The following SGCZ variants were observed in gnomAD, a reference collection of about 807,000 sequenced individuals.
The protein encoded by SGCZ is sarcoglycan zeta.
Under a neutral mutation model 41.3 loss-of-function variants are expected in SGCZ, and 40 were observed. That is an observed-to-expected ratio of 0.97 (90% CI 0.75 to 1.26). SGCZ has a LOEUF of 1.26. Ranked by LOEUF, SGCZ falls within the 50% of genes most tolerant of loss-of-function variation. The pLI, the probability that SGCZ is intolerant of heterozygous loss-of-function variation, is 0.00. For synonymous variants in SGCZ, 206 were observed against 137.5 expected (o/e 1.50, Z -3.49); for missense variants, 552 against 369.8 (o/e 1.49, Z -4.04).
chr8:14,442,915 C>T lies in SGCZ; in HGVS notation c.234+111817G>A, dbSNP rs374921529. Reference sequence around the variant, plus strand: ...TGATTGTATATCTAGAAAACCCCATCGTCTCAGCCCAAAATCTCCTTAAGC... The same window carrying T: ...TGATTGTATATCTAGAAAACCCCATTGTCTCAGCCCAAAATCTCCTTAAGC... On this transcript the variant is annotated intron_variant, in intron 2 of 7. Coordinates refer to ENST00000382080, the MANE Select transcript of SGCZ (RefSeq NM_139167.4). 7.6e-4 allele frequency among the ~76,000 whole-genome samples: 115 copies of T among 152,154 alleles called. 1 individual carries two copies. The highest frequency in any genetic ancestry group is 6.8e-3 in the Middle Eastern group (2 of 294).
At chr8:14,685,852 T>A (rs944179176) in intron 1 of SGCZ, among the ~76,000 whole-genome samples, 1 of 152,116 alleles carries the variant, frequency 6.6e-6, no homozygotes, top group African/African-American at 2.4e-5. Flanking sequence ...AAACAATGAA[T>A]AAACCTTTCA....
chr8:14,730,560 C>A (rs369485242), intron 1 of SGCZ, among the ~76,000 whole-genome samples: 3 of 148,684 alleles, frequency 2.0e-5, no homozygotes, highest in African/African-American at 7.6e-5. Context: ...AACATACAAC[C>A]CTAAAAGAAT....
At chr8:14,989,005 A>C (rs542790420) in intron 1 of SGCZ, among the ~76,000 whole-genome samples, 2 of 151,716 alleles carry the variant, frequency 1.3e-5, no homozygotes, top group African/African-American at 4.8e-5. Context: ...CTTAAAAATG[A>C]AAAGCTATTT....
intron 1 of SGCZ, among the ~76,000 whole-genome samples, chr8:14,894,642 C>A (rs1385001401): frequency 1.3e-5 from 2 of 152,082 alleles, no homozygotes; most frequent in Non-Finnish European, 2.9e-5. Flanking sequence ...ACTGGGCAAT[C>A]TTTTAAATTT....
chr8:14,562,900 G>C (rs954184342), intron 1 of SGCZ, among the ~76,000 whole-genome samples: 1 of 152,182 alleles, frequency 6.6e-6, no homozygotes, highest in Non-Finnish European at 1.5e-5. Context: ...TCTTAGAGAT[G>C]TGGTAGCAGA....
chr8:14,807,074 A>G (rs182990101), intron 1 of SGCZ, among the ~76,000 whole-genome samples: 18,953 of 151,842 alleles, frequency 0.12, 1,773 homozygotes, highest in African/African-American at 0.25. Context: ...TTGATGGGAC[A>G]TATTTCAAAA....
chr8:14,530,715 G>T (rs1803101582), intron 2 of SGCZ, among the ~76,000 whole-genome samples: 1 of 152,066 alleles, frequency 6.6e-6, no homozygotes, highest in Non-Finnish European at 1.5e-5. Flanking sequence ...TGGCACAGTA[G>T]TGCTTGCTTA....
At chr8:14,748,691 A>G (rs1298647037) in intron 1 of SGCZ, among the ~76,000 whole-genome samples, 2 of 152,170 alleles carry the variant, frequency 1.3e-5, no homozygotes, top group African/African-American at 4.8e-5. Flanking sequence ...GGAATCATCT[A>G]TGAATAAGAA....
At chr8:14,191,192 A>AT (rs906336159) in intron 4 of SGCZ, among the ~76,000 whole-genome samples, 23 of 151,122 alleles carry the variant, frequency 1.5e-4, no homozygotes, top group Non-Finnish European at 2.2e-4. Flanking sequence ...TGGGTTATTC[A>AT]TTTTTTTTCT....
chr8:14,283,439 A>C (rs893356256), intron 3 of SGCZ, among the ~76,000 whole-genome samples: 17 of 152,148 alleles, frequency 1.1e-4, no homozygotes, highest in Admixed American at 2.0e-4. Context: ...TTCATTTCCT[A>C]CTTAGAAAAA....
intron 1 of SGCZ, among the ~76,000 whole-genome samples, chr8:15,207,851 T>C (rs1230538965): frequency 3.3e-5 from 5 of 152,172 alleles, no homozygotes; most frequent in Non-Finnish European, 7.3e-5. Context: ...AAGTTTGACA[T>C]AGAAAATATA....
intron 1 of SGCZ, among the ~76,000 whole-genome samples, chr8:14,994,903 A>G (rs1585449678): frequency 6.6e-6 from 1 of 152,348 alleles, no homozygotes; most frequent in East Asian, 1.9e-4. Flanking sequence ...CTGTCTGCCA[A>G]CAAATTCCTC....
chr8:14,960,285 T>A (rs1800922054), intron 1 of SGCZ, among the ~76,000 whole-genome samples: 2 of 152,148 alleles, frequency 1.3e-5, no homozygotes, highest in Admixed American at 1.3e-4. Flanking sequence ...TAAAATTCTA[T>A]AATTTCCTTG....
intron 5 of SGCZ, among the ~76,000 whole-genome samples, chr8:14,118,549 G>C (rs1031285604): frequency 6.6e-6 from 1 of 152,156 alleles, no homozygotes; most frequent in African/African-American, 2.4e-5. Context: ...TTGCTATGCA[G>C]AAGCTCTTTA....
chr8:14,806,882 C>T (rs1406309145), intron 1 of SGCZ, among the ~76,000 whole-genome samples: 1 of 150,870 alleles, frequency 6.6e-6, no homozygotes, highest in Non-Finnish European at 1.5e-5. Flanking sequence ...GCTTATCCAC[C>T]ATGATCAAGT....
chr8:14,184,930 A>G (rs566930047), intron 4 of SGCZ, among the ~76,000 whole-genome samples: 3 of 152,230 alleles, frequency 2.0e-5, no homozygotes, highest in Admixed American at 1.3e-4. Context: ...TATGATTGGT[A>G]TAGCAATAAA....
At chr8:15,161,475 G>C (rs769236062) in intron 1 of SGCZ, among the ~76,000 whole-genome samples, 21 of 152,146 alleles carry the variant, frequency 1.4e-4, no homozygotes, top group South Asian at 1.2e-3. Context: ...TGCTTCATGA[G>C]GGCCAGGGCT....
chr8:14,149,862 A>G (rs1803644987), intron 5 of SGCZ, among the ~76,000 whole-genome samples: 1 of 152,264 alleles, frequency 6.6e-6, no homozygotes, highest in East Asian at 1.9e-4. Flanking sequence ...AACAACCCAG[A>G]AACAAATCCA....
intron 2 of SGCZ, among the ~76,000 whole-genome samples, chr8:14,423,907 C>T (rs1251761245): frequency 6.6e-6 from 1 of 151,788 alleles, no homozygotes; most frequent in Non-Finnish European, 1.5e-5. Flanking sequence ...CTGCTAAGTA[C>T]CAAACATATT....
Sources: allele counts gnomAD v4.1 joint callset (sites outside exome capture counted in the v4.1 genomes callset), GRCh38; gene constraint gnomAD v4.1.1; transcripts MANE v1.5; gene names NCBI Gene and HGNC (gene_info 2026-07-23, HGNC 2026-07-21).